The following VPS13D variants were observed in gnomAD, a reference collection of about 807,000 sequenced individuals.
The protein encoded by VPS13D is vacuolar protein sorting 13 homolog D.
In VPS13D, 187 loss-of-function variants were observed where a neutral mutation model predicts 461.9. The ratio of observed to expected loss-of-function variants is 0.40; its 90% confidence interval spans 0.36 to 0.46. VPS13D has a LOEUF of 0.46. VPS13D is among the 20% of genes least tolerant of loss of function. The pLI is 0.60. For synonymous variants in VPS13D, 1,951 were observed against 1,986.3 expected (o/e 0.98, Z 0.47); for missense variants, 4,711 against 5,364.9 (o/e 0.88, Z 3.81).
At position 12,507,476 on chromosome 1, in the gene VPS13D, G is replaced by A. The variant is rs1646127381; in HGVS notation, c.13035+383G>A. ...AATCGAAGAAAGCACTGGAGCTCAC[G>A]CTGGTTTCTCCATTGTTTCTCCTTA... On this transcript the variant is annotated intron_variant, in intron 69 of 69. Transcript: ENST00000620676. This position sits in a 1 kb window ranked among gnomAD's most constrained non-coding sequence, Gnocchi z 5.3. 1 of 474,876 alleles carries A rather than the reference G, an allele frequency of 2.1e-6. No individual in the cohort carries two copies. Among genetic ancestry groups the A allele is most frequent in the Non-Finnish European group, 4.2e-6 (1 of 239,538 alleles). 29.4% of individuals were successfully genotyped at this position (474,876 alleles called of 1,614,324 possible). A position where few individuals can be genotyped will look rare whatever the true frequency, so the allele number is the denominator to read the frequency against.
intron 50 of VPS13D, among the ~76,000 whole-genome samples, 184 bp from the exon 51 acceptor site, chr1:12,362,536 G>A (rs998680846): frequency 3.3e-5 from 5 of 152,194 alleles, no homozygotes; most frequent in African/African-American, 9.7e-5. Context: ...ATGGGAATAA[G>A]GAGTAATAAT....
chr1:12,270,431 A>G (rs1641405028), intron 16 of VPS13D, among the ~76,000 whole-genome samples: 1 of 152,162 alleles, frequency 6.6e-6, no homozygotes, highest in Non-Finnish European at 1.5e-5. Flanking sequence ...AGCCTAGGAG[A>G]CAGAGCGGGA....
intron 67 of VPS13D, among the ~76,000 whole-genome samples, chr1:12,485,664 TGGG>T (rs1003213715): frequency 1.3e-5 from 2 of 152,064 alleles, no homozygotes; most frequent in African/African-American, 2.4e-5. Context: ...AAAAGGTTGT[TGGG>T]GGGGTGGGCC....
At chr1:12,293,838 A>G (rs1163192050) in intron 24 of VPS13D, 134 bp downstream of exon 24, 3 of 893,890 alleles carry the variant, frequency 3.4e-6, no homozygotes, top group Non-Finnish European at 4.9e-6. Context: ...GATTAGCTAC[A>G]GACATCTTTG....
chr1:12,300,433 C>T (rs1006231292), intron 25 of VPS13D, among the ~76,000 whole-genome samples: 5 of 152,106 alleles, frequency 3.3e-5, no homozygotes, highest in Non-Finnish European at 7.4e-5. Context: ...GTCTTGAACT[C>T]CTGACCTCAG....
intron 54 of VPS13D, among the ~76,000 whole-genome samples, chr1:12,372,128 G>T (rs1644127872): frequency 6.6e-6 from 1 of 152,048 alleles, no homozygotes; most frequent in Admixed American, 6.6e-5. Flanking sequence ...ATCTTGGCCT[G>T]CTGCATCCTC....
chr1:12,313,067 T>C (rs1642798737), intron 29 of VPS13D, among the ~76,000 whole-genome samples: 1 of 152,166 alleles, frequency 6.6e-6, no homozygotes, highest in Admixed American at 6.5e-5. Flanking sequence ...ACATCACTCT[T>C]TTCCAGATAG....
chr1:12,367,298 G>A (rs1005909017), intron 52 of VPS13D, among the ~76,000 whole-genome samples: 2 of 152,178 alleles, frequency 1.3e-5, no homozygotes, highest in African/African-American at 2.4e-5. Flanking sequence ...GATGCTGTGT[G>A]TTTCCCACCA....
intron 67 of VPS13D, among the ~76,000 whole-genome samples, chr1:12,484,067 T>C (rs1454501145): frequency 1.3e-5 from 2 of 152,246 alleles, no homozygotes; most frequent in Non-Finnish European, 2.9e-5. Flanking sequence ...GCGTGGCCTA[T>C]TACATGGTTT....
chr1:12,314,044 G>A lies in VPS13D; in HGVS notation c.6936-71G>A, dbSNP rs907307604. 8.5e-6 allele frequency: 12 copies of A among 1,404,660 alleles called. No homozygotes were observed. The African/African-American group carries it at 1.1e-4, about 13-fold the overall frequency. The allele number at this position is 1,404,660 out of a possible 1,614,324, so 87.0% of individuals were successfully genotyped here. A position where few individuals can be genotyped will look rare whatever the true frequency, so the allele number is the denominator to read the frequency against. The stretch of plus-strand genomic sequence containing the variant: ...TATTTTTGATTTTGCTCGTTATCTC[G>A]AACTTATATACTTTTGTAAAATGGA... On this transcript the variant is annotated intron_variant, in intron 29 of 69. Transcript: ENST00000620676.
Position 12,282,658 on chromosome 1 carries a change from G to C in VPS13D, c.4603-47G>C, listed in dbSNP as rs368434776. On this transcript the variant is annotated intron_variant, in intron 20 of 69. Transcript: ENST00000620676. The stretch of plus-strand genomic sequence containing the variant: ...AGACATTTATGGGCATTACATCTAC[G>C]TGCATTTAATAATAAGAGTAACTGA... 3 of 1,527,874 alleles carry C rather than the reference G, an allele frequency of 2.0e-6. No individual in the cohort carries two copies. In the Admixed American group the frequency reaches 5.7e-5, roughly 29 times the overall value. 94.6% of individuals were successfully genotyped at this position (1,527,874 alleles called of 1,614,324 possible).
intron 56 of VPS13D, among the ~76,000 whole-genome samples, chr1:12,378,908 AT>A (rs1644237561): frequency 6.6e-6 from 1 of 152,202 alleles, no homozygotes; most frequent in Admixed American, 6.5e-5. Context: ...CATCTTCCTA[AT>A]AACTTTGTCA....
chr1:12,293,684 G>A lies in VPS13D; in HGVS notation c.6013G>A (p.Ala2005Thr), dbSNP rs1224854595. 6.2e-7 allele frequency: 1 copy of A among 1,613,890 alleles called. No individual in the cohort carries two copies. Among genetic ancestry groups the A allele is most frequent in the Non-Finnish European group, 8.5e-7 (1 of 1,179,948 alleles). Residue 2005 changes from alanine to threonine, a missense_variant, in exon 24 of 70, where the codon GCT becomes ACT. Physicochemically the swap from Ala to Thr is moderately conservative, Grantham distance 58 (BLOSUM62 0). Coordinates refer to ENST00000620676, the MANE Select transcript of VPS13D (RefSeq NM_015378.4). ...GCAGGATGTCTTAGGGCGCCAGCGAGCTGCTATTGAGGGGCAGACGGTAGG... is the reference window on the plus strand; with the variant it reads ...GCAGGATGTCTTAGGGCGCCAGCGAACTGCTATTGAGGGGCAGACGGTAGG... Reference protein sequence around the residue: ...QLQDVLGRQRAAIEGQTVRDQ... With the variant: ...QLQDVLGRQRTAIEGQTVRDQ...
intron 7 of VPS13D, among the ~76,000 whole-genome samples, chr1:12,254,681 G>A (rs534532603): frequency 5.3e-5 from 8 of 151,756 alleles, no homozygotes; most frequent in African/African-American, 1.9e-4. Flanking sequence ...CCACCAACAT[G>A]CCCAGCTAAT....
intron 67 of VPS13D, among the ~76,000 whole-genome samples, chr1:12,481,453 C>T (rs533027190): frequency 7.2e-5 from 11 of 152,158 alleles, no homozygotes; most frequent in Non-Finnish European, 1.2e-4. Context: ...GAGGCAAGAC[C>T]TACAGTCCAG....
intron 13 of VPS13D, among the ~76,000 whole-genome samples, chr1:12,263,163 A>G (rs1641167267): frequency 1.3e-5 from 2 of 152,118 alleles, no homozygotes; most frequent in South Asian, 2.1e-4. Context: ...TTTGTAACGC[A>G]CATCACAGTC....
intron 67 of VPS13D, among the ~76,000 whole-genome samples, chr1:12,464,545 T>C (rs1280632499): frequency 1.3e-5 from 2 of 152,208 alleles, no homozygotes; most frequent in Non-Finnish European, 2.9e-5. Flanking sequence ...TTTGTGTTTA[T>C]TTGAACATGA....
At chr1:12,294,642 G>T (rs545616357) in intron 24 of VPS13D, among the ~76,000 whole-genome samples, 3 of 151,922 alleles carry the variant, frequency 2.0e-5, no homozygotes, top group Non-Finnish European at 2.9e-5. Context: ...ACGAAACCCC[G>T]TCTTTACTAA....
intron 67 of VPS13D, 37 bp from the exon 68 acceptor site, chr1:12,497,463 C>T: frequency 2.5e-6 from 4 of 1,593,946 alleles, no homozygotes; most frequent in Non-Finnish European, 3.4e-6. Flanking sequence ...AACCTGCACA[C>T]TTAACCTCTT....
Sources: allele counts gnomAD v4.1 joint callset (sites outside exome capture counted in the v4.1 genomes callset), GRCh38; gene constraint gnomAD v4.1.1; non-coding constraint Gnocchi (gnomAD v3.1); transcripts MANE v1.5; gene names NCBI Gene and HGNC (gene_info 2026-07-23, HGNC 2026-07-21).